Variants in PHACTR1 observed in about 807,000 individuals in gnomAD.
PHACTR1 encodes the protein phosphatase and actin regulator 1.
PHACTR1 carries 16 observed loss-of-function variants against 69.2 expected under a neutral mutation model. That is an observed-to-expected ratio of 0.23 (90% CI 0.16 to 0.35). The LOEUF is 0.35. PHACTR1 is among the 10% of genes least tolerant of loss of function. PHACTR1 has a pLI of 1.00. For missense variants in PHACTR1, 510 were observed against 734.7 expected (o/e 0.69, Z 3.54); for synonymous variants, 312 against 284.5 (o/e 1.10, Z -0.97).
intron 4 of PHACTR1, among the ~76,000 whole-genome samples, chr6:12,807,554 A>C (rs1774486555): frequency 6.6e-6 from 1 of 152,216 alleles, no homozygotes; most frequent in Non-Finnish European, 1.5e-5. Context: ...ATCAGTGCTT[A>C]TTTCAGATAT....
At chr6:12,925,461 G>A (rs963372199) in intron 4 of PHACTR1, among the ~76,000 whole-genome samples, 7 of 152,060 alleles carry the variant, frequency 4.6e-5, no homozygotes, top group African/African-American at 1.7e-4. Flanking sequence ...GTCTTTCTAA[G>A]GTACGAAACT....
chr6:12,853,033 C>T (rs34448141), intron 4 of PHACTR1, among the ~76,000 whole-genome samples: 3,580 of 152,274 alleles, frequency 0.024, 74 homozygotes, highest in Admixed American at 0.037. Flanking sequence ...CTATGAGAAC[C>T]TTTGCTATCT....
rs59815156 is a variant in PHACTR1 at position 12,981,684 on chromosome 6, A to G, written c.251-71681A>G. Among the ~76,000 whole-genome samples, 1,143 of 152,326 alleles carry G rather than the reference A, an allele frequency of 7.5e-3. 10 individuals carry two copies. The highest frequency in any genetic ancestry group is 0.026 in the African/African-American group (1,080 of 41,560). On this transcript the variant is annotated intron_variant, in intron 4 of 14. Transcript: ENST00000332995. ...ATATTCATTTCCCATCCTCGATTGG[A>G]CATGACATGACCAGTGAACTGGTTG... is the stretch of plus-strand genomic sequence containing the variant.
At chr6:13,214,076 A>G (rs1485769040) in intron 8 of PHACTR1, 1 of 152,070 alleles carries the variant, frequency 6.6e-6, no homozygotes, top group Non-Finnish European at 1.5e-5. Context: ...GGCAGTGGAG[A>G]TACCATGATC....
At chr6:13,251,070 C>G (rs1706941) in intron 10 of PHACTR1, among the ~76,000 whole-genome samples, 23,753 of 152,172 alleles carry the variant, frequency 0.16, 2,490 homozygotes, top group Admixed American at 0.27. Flanking sequence ...CCCTGTGCAT[C>G]GTCCACATGC....
chr6:13,199,408 AAAAAC>A (rs1225480521), intron 7 of PHACTR1, among the ~76,000 whole-genome samples: 2,226 of 146,360 alleles, frequency 0.015, 67 homozygotes, highest in African/African-American at 0.055. Flanking sequence ...AAAAAAAAAA[AAAAAC>A]ATTGGCATCT....
chr6:13,231,764 C>T (rs922380305), intron 10 of PHACTR1, among the ~76,000 whole-genome samples: 1 of 152,188 alleles, frequency 6.6e-6, no homozygotes, highest in Admixed American at 6.5e-5. Context: ...CATTAGGTAA[C>T]CTTTGTTGAG....
chr6:12,922,274 A>G (rs1787799918), intron 4 of PHACTR1, among the ~76,000 whole-genome samples: 1 of 152,154 alleles, frequency 6.6e-6, no homozygotes, highest in South Asian at 2.1e-4. Flanking sequence ...TGACTCTAAG[A>G]CTTCATAATT....
intron 4 of PHACTR1, among the ~76,000 whole-genome samples, chr6:12,948,831 T>G (rs1238529632): frequency 1.3e-5 from 2 of 152,188 alleles, no homozygotes; most frequent in African/African-American, 4.8e-5. Context: ...GACAATTTAG[T>G]GATATATTAA....
intron 10 of PHACTR1, among the ~76,000 whole-genome samples, chr6:13,259,492 T>G (rs369081712): frequency 6.6e-6 from 1 of 152,252 alleles, no homozygotes. Flanking sequence ...CCAAAAATAT[T>G]CTTTTAAGCG....
chr6:13,081,859 C>T (rs367811506), intron 5 of PHACTR1, among the ~76,000 whole-genome samples: 11 of 152,070 alleles, frequency 7.2e-5, no homozygotes, highest in Non-Finnish European at 1.3e-4. Context: ...CAAAGGGAAG[C>T]GTGGTTTGTC....
chr6:13,003,474 A>G (rs375902284), intron 4 of PHACTR1, among the ~76,000 whole-genome samples: 4 of 152,156 alleles, frequency 2.6e-5, no homozygotes, highest in Non-Finnish European at 5.9e-5. Flanking sequence ...ATTTACTTCC[A>G]GTGTAAATAG....
At chr6:13,184,064 A>G (rs1479434705) in intron 7 of PHACTR1, among the ~76,000 whole-genome samples, 1 of 152,242 alleles carries the variant, frequency 6.6e-6, no homozygotes, top group Non-Finnish European at 1.5e-5. Flanking sequence ...GAAAAGGTTG[A>G]TTTAAAGCAT....
chr6:13,219,302 G>A (rs1768225664), intron 8 of PHACTR1, among the ~76,000 whole-genome samples: 2 of 152,198 alleles, frequency 1.3e-5, no homozygotes, highest in Admixed American at 6.5e-5. Flanking sequence ...GGAAAATGAG[G>A]ATGAAACAAA....
rs140528888 is a variant in PHACTR1, at chr6:13,278,526, T to C, written c.1509+197T>C. On this transcript the variant is annotated intron_variant, in intron 12 of 14. Transcript: ENST00000332995. ...AGTCCTTTCAGCTGGTGACACTCAA[T>C]GTTGTTTGATTTTGTGACACCCACC... Among the ~76,000 whole-genome samples, 334 of 152,372 alleles carry C rather than the reference T, an allele frequency of 2.2e-3. 1 individual carries two copies. Among genetic ancestry groups the C allele is most frequent in the African/African-American group, 7.5e-3 (312 of 41,584 alleles).
intron 7 of PHACTR1, among the ~76,000 whole-genome samples, chr6:13,194,130 C>T (rs1764006341): frequency 6.6e-6 from 1 of 152,142 alleles, no homozygotes; most frequent in African/African-American, 2.4e-5. Flanking sequence ...CTGGGCTGGG[C>T]GCGATGGCTC....
At chr6:12,768,022 G>C (rs1768865559) in intron 4 of PHACTR1, among the ~76,000 whole-genome samples, 1 of 150,054 alleles carries the variant, frequency 6.7e-6, no homozygotes, top group African/African-American at 2.4e-5. Flanking sequence ...CTGGGAATTA[G>C]AATTACCTGA....
At chr6:13,173,237 G>A (rs1306627557) in intron 6 of PHACTR1, among the ~76,000 whole-genome samples, 2 of 152,168 alleles carry the variant, frequency 1.3e-5, no homozygotes, top group African/African-American at 4.8e-5. Flanking sequence ...GACAAAAATT[G>A]CAATTACTTT....
At chr6:12,838,340 T>G (rs1362993203) in intron 4 of PHACTR1, among the ~76,000 whole-genome samples, 1 of 152,110 alleles carries the variant, frequency 6.6e-6, no homozygotes, top group Non-Finnish European at 1.5e-5. Flanking sequence ...GTGTCTGTGT[T>G]TAATGCCACT....
Sources: allele counts gnomAD v4.1 joint callset (sites outside exome capture counted in the v4.1 genomes callset), GRCh38; gene constraint gnomAD v4.1.1; transcripts MANE v1.5; gene names NCBI Gene and HGNC (gene_info 2026-07-23, HGNC 2026-07-21).